The following GSTK1 variants were observed in gnomAD, a reference collection of about 807,000 sequenced individuals.
GSTK1 encodes the protein glutathione S-transferase kappa 1.
A neutral mutation model predicts 30.9 loss-of-function variants in GSTK1; 25 were observed. The observed-to-expected ratio is 0.81, with a 90% CI of 0.59 to 1.13. The LOEUF (loss-of-function observed/expected upper bound fraction) is 1.13, where lower values mean the gene tolerates loss of function less well. Ranked by LOEUF, GSTK1 falls within the 50% of genes most tolerant of loss-of-function variation. The pLI, the probability that GSTK1 is intolerant of heterozygous loss-of-function variation, is 0.00. For synonymous variants in GSTK1, 108 were observed against 112.5 expected, an observed-to-expected ratio of 0.96 and a Z score of 0.25; for missense variants, 292 against 292.4, an observed-to-expected ratio of 1.00 and a Z score of 0.01.
Position 143,267,742 on chromosome 7 carries a change from C to T in GSTK1, c.537+9C>T. 6.4e-7 allele frequency: 1 copy of T among 1,568,012 alleles called. No homozygotes were observed. Among genetic ancestry groups the T allele is most frequent in the Non-Finnish European group, 8.8e-7 (1 of 1,138,694 alleles). On this transcript the variant is annotated intron_variant, in intron 6 of 7. Transcript: ENST00000358406. ...CAGCCTGCAGATACGGAGTGAGCAG[C>T]TCTTTATGTGTGTTCCCAGCACCCA...
chr7:143,268,772 T>A lies in GSTK1; in HGVS notation c.632-16T>A. The A allele has an allele frequency of 6.2e-7, 1 of 1,613,254 alleles. No homozygotes were observed. Among genetic ancestry groups the A allele is most frequent in the Non-Finnish European group, 8.5e-7 (1 of 1,179,236 alleles). On this transcript the variant is annotated splice_polypyrimidine_tract_variant and intron_variant, in intron 7 of 7. Coordinates refer to ENST00000358406, the MANE Select transcript of GSTK1 (RefSeq NM_015917.3). The surrounding 1 kb of genome is among the most constrained non-coding windows in gnomAD (Gnocchi z 4.1). ...CCTGAGAACAGTGTGCAGAGTCTGT[T>A]GTTTTCTTCATCCAGGAGAGAAGTG...
intron 5 of GSTK1, 109 bp downstream of exon 5, chr7:143,265,405 T>C: frequency 1.0e-6 from 1 of 983,178 alleles, no homozygotes; most frequent in Non-Finnish European, 1.5e-6. Flanking sequence ...AAGGTTATAA[T>C]TACTGGGGAA....
Position 143,268,796 on chromosome 7 carries a change from T to G in GSTK1, c.640T>G (p.Trp214Gly), listed in dbSNP as rs750453174. Residue 214 changes from tryptophan to glycine, a missense_variant, in exon 8 of 8, where the codon TGG becomes GGG. Physicochemically the swap from Trp to Gly is radical, Grantham distance 184. Coordinates refer to ENST00000358406, the MANE Select transcript of GSTK1 (RefSeq NM_015917.3). The surrounding 1 kb of genome is among the most constrained non-coding windows in gnomAD (Gnocchi z 4.1). Reference protein sequence around the residue: ...ELLAHLLGEKWMGPIPPAVNA... With the variant: ...ELLAHLLGEKGMGPIPPAVNA... ...TTGTTTTCTTCATCCAGGAGAGAAG[T>G]GGATGGGCCCTATACCTCCAGCCGT... is the stretch of plus-strand genomic sequence containing the variant. 6.2e-7 allele frequency: 1 copy of G among 1,613,910 alleles called. No homozygotes were observed. The highest frequency in any genetic ancestry group is 1.7e-5 in the Admixed American group (1 of 60,006).
intron 5 of GSTK1, 34 bp downstream of exon 5, chr7:143,265,330 T>C (rs1430341145): frequency 6.4e-6 from 10 of 1,551,904 alleles, no homozygotes; most frequent in Non-Finnish European, 8.7e-6. Context: ...ACTGCACTCA[T>C]AGAGAATCTG....
At position 143,264,987 on chromosome 7, in the gene GSTK1, C is replaced by T; in HGVS notation, c.284-5C>T. On this transcript the variant is annotated splice_polypyrimidine_tract_variant and splice_region_variant and intron_variant, in intron 3 of 7. Coordinates refer to ENST00000358406, the MANE Select transcript of GSTK1 (RefSeq NM_015917.3). ...GCCCTGCCTCTGGGTGCCTCTGCCC[C>T]ACAGGAAGTTTGTCTGCCATGCGTT... 6 of 1,613,568 alleles carry T rather than the reference C, an allele frequency of 3.7e-6. No homozygotes were observed. Among genetic ancestry groups the T allele is most frequent in the Non-Finnish European group, 5.1e-6 (6 of 1,179,662 alleles).
At chr7:143,265,128 C>T in intron 4 of GSTK1, 36 bp downstream of exon 4, 3 of 1,613,826 alleles carry the variant, frequency 1.9e-6, no homozygotes, top group Non-Finnish European at 2.5e-6. Context: ...CTGGGAGGAC[C>T]TTGGATGACT....
rs1563049637 is a variant in GSTK1, at chr7:143,268,848, A to T, written c.*11A>T. On this transcript the variant is annotated 3_prime_UTR_variant, in exon 8 of 8. Coordinates refer to ENST00000358406, the MANE Select transcript of GSTK1 (RefSeq NM_015917.3). The surrounding 1 kb of genome is among the most constrained non-coding windows in gnomAD (Gnocchi z 4.1). The stretch of plus-strand genomic sequence containing the variant: ...AATGCCAGACTTTAAGATTGCCCGG[A>T]GGAAGCAAACTCTTCGTATAAAAAA... 1 of 1,613,214 alleles carries T rather than the reference A, an allele frequency of 6.2e-7. No homozygotes were observed. Among genetic ancestry groups the T allele is most frequent in the Admixed American group, 1.7e-5 (1 of 60,018 alleles).
In GSTK1 at chr7:143,268,964, A is replaced by C; in HGVS notation, c.*127A>C. The C allele has an allele frequency of 1.2e-6, 1 of 817,196 alleles. No individual in the cohort carries two copies. Among genetic ancestry groups the C allele is most frequent in the Non-Finnish European group, 2.1e-6 (1 of 483,836 alleles). 50.6% of individuals were successfully genotyped at this position (817,196 alleles called of 1,614,324 possible). A position where few individuals can be genotyped will look rare whatever the true frequency, so the allele number is the denominator to read the frequency against. On this transcript the variant is annotated 3_prime_UTR_variant, in exon 8 of 8. Coordinates refer to ENST00000358406, the MANE Select transcript of GSTK1 (RefSeq NM_015917.3). This position sits in a 1 kb window ranked among gnomAD's most constrained non-coding sequence, Gnocchi z 4.1. ...TAGAGGTATTTTCTGTGGCCCTGGG[A>C]GCTGTCTGTCTTTCCCCTACCCCCA...
intron 3 of GSTK1, 134 bp from the exon 4 acceptor site, chr7:143,264,858 A>G (rs1457025588): frequency 8.0e-7 from 1 of 1,253,692 alleles, no homozygotes; most frequent in African/African-American, 1.5e-5. Context: ...AGAGCAGGCA[A>G]ATAGGTCATG....
At chr7:143,266,023 C>CTTTTTTTT (rs11296238) in intron 5 of GSTK1, among the ~76,000 whole-genome samples, 11 of 69,270 alleles carry the variant, frequency 1.6e-4, no homozygotes, top group Non-Finnish European at 2.3e-4. Context: ...ATTTTCCATG[C>CTTTTTTTT]TTTTTTTTTT....
chr7:143,263,766 G>T, intron 1 of GSTK1, 181 bp downstream of exon 1: 1 of 623,198 alleles, frequency 1.6e-6, no homozygotes, highest in Non-Finnish European at 2.8e-6. Context: ...TAGAGTCGCT[G>T]GCTCCAACCC....
In GSTK1 at chr7:143,264,186, G is replaced by A. The variant is rs201569197; in HGVS notation, c.154+19G>A. 3.4e-4 allele frequency: 551 copies of A among 1,608,782 alleles called. 1 individual carries two copies. The highest frequency in any genetic ancestry group is 3.9e-4 in the Non-Finnish European group (456 of 1,175,246). ...GACAGTGGTAGGAAGGGAGGGTCGGGGCAGGGGTGATCTCAGTGGCCCAAG... is the reference window on the plus strand; with the variant it reads ...GACAGTGGTAGGAAGGGAGGGTCGGAGCAGGGGTGATCTCAGTGGCCCAAG... On this transcript the variant is annotated intron_variant, in intron 2 of 7. Transcript: ENST00000358406.
intron 1 of GSTK1, 127 bp downstream of exon 1, chr7:143,263,712 G>A: frequency 1.2e-6 from 1 of 811,434 alleles, no homozygotes. Context: ...AGGCAAGCAG[G>A]GAGAGCTCCG....
intron 1 of GSTK1, 64 bp downstream of exon 1, chr7:143,263,649 C>T: frequency 6.8e-7 from 1 of 1,477,694 alleles, no homozygotes; most frequent in Non-Finnish European, 9.4e-7. Flanking sequence ...AGAGTGAGCG[C>T]AGGGCTCCGG....
Position 143,267,732 on chromosome 7 carries a change from G to T in GSTK1, c.536G>T (p.Gly179Val), listed in dbSNP as rs771472201. ...KETTEAACRY[G>V]AFGLPITVAH... is the part of the protein sequence containing the mutation. The stretch of plus-strand genomic sequence containing the variant: ...ACCACTGAGGCAGCCTGCAGATACG[G>T]AGTGAGCAGCTCTTTATGTGTGTTC... Residue 179 changes from glycine to valine, a missense_variant and splice_region_variant, in exon 6 of 8, where the codon GGA (glycine) becomes GTA (valine). Gly to Val is a moderately radical substitution (Grantham distance 109). Transcript: ENST00000358406. 6.3e-7 allele frequency: 1 copy of T among 1,599,900 alleles called. No homozygotes were observed. Among genetic ancestry groups the T allele is most frequent in the South Asian group, 1.1e-5 (1 of 90,832 alleles).
At chr7:143,264,443 A>AG (rs1800810277) in intron 2 of GSTK1, 105 bp from the exon 3 acceptor site, 2 of 1,182,844 alleles carry the variant, frequency 1.7e-6, no homozygotes, top group Non-Finnish European at 2.4e-6. Context: ...AAACAACAAG[A>AG]GAAAAAAAAG....
intron 5 of GSTK1, among the ~76,000 whole-genome samples, chr7:143,266,886 C>G: frequency 6.6e-6 from 1 of 151,886 alleles, no homozygotes; most frequent in African/African-American, 2.4e-5. Flanking sequence ...GTCTCGAACT[C>G]CTGGGCTGAA....
At chr7:143,265,607 A>G (rs941405731) in intron 5 of GSTK1, among the ~76,000 whole-genome samples, 5 of 152,210 alleles carry the variant, frequency 3.3e-5, no homozygotes, top group African/African-American at 1.2e-4. Flanking sequence ...TATAGTATTC[A>G]CAAGTCTCCA....
intron 1 of GSTK1, 87 bp downstream of exon 1, chr7:143,263,672 G>GTGTA: frequency 7.8e-7 from 1 of 1,278,110 alleles, no homozygotes; most frequent in South Asian, 1.2e-5. Context: ...CAGAGGTCTC[G>GTGTA]TGTAACTCCT....
Sources: gnomAD v4.1 joint callset for allele counts (sites outside exome capture counted in the v4.1 genomes callset) on GRCh38, gnomAD v4.1.1 for gene constraint, Gnocchi (gnomAD v3.1) non-coding constraint, MANE v1.5 for transcripts, NCBI Gene and HGNC (gene_info 2026-07-23, HGNC 2026-07-21) for gene names.